Variants in TRIM35 observed in about 807,000 individuals in gnomAD.
TRIM35 encodes the protein E3 ubiquitin-protein ligase TRIM35.
Under a neutral mutation model 49.1 loss-of-function variants are expected in TRIM35, and 37 were observed. The observed-to-expected ratio is 0.75, with a 90% CI of 0.58 to 0.99. The LOEUF (loss-of-function observed/expected upper bound fraction) is 0.99. Ranked by LOEUF, TRIM35 falls within the 50% of genes least tolerant of loss-of-function variation. The pLI, the probability that TRIM35 is intolerant of heterozygous loss-of-function variation, is 0.00. For missense variants in TRIM35, 648 were observed against 702.7 expected, an observed-to-expected ratio of 0.92 and a Z score of 0.88; for synonymous variants, 302 against 289.3, an observed-to-expected ratio of 1.04 and a Z score of -0.45.
At chr8:27,298,232 T>C (rs1802609235) in intron 2 of TRIM35, among the ~76,000 whole-genome samples, 1 of 152,192 alleles carries the variant, frequency 6.6e-6, no homozygotes, top group African/African-American at 2.4e-5. Context: ...GGTAGCTTTT[T>C]AAGTCACTCC....
chr8:27,291,734 T>C (rs1802458837), intron 3 of TRIM35, among the ~76,000 whole-genome samples: 1 of 152,244 alleles, frequency 6.6e-6, no homozygotes, highest in African/African-American at 2.4e-5. Flanking sequence ...ATTTCACTCG[T>C]GGTTCTGAAG....
chr8:27,303,180 A>T (rs1802713890), intron 1 of TRIM35, among the ~76,000 whole-genome samples: 1 of 152,228 alleles, frequency 6.6e-6, no homozygotes, highest in Admixed American at 6.5e-5. Context: ...TGAGATAATT[A>T]TATTAAGCAA....
chr8:27,307,476 T>G (rs1802811108), intron 1 of TRIM35, among the ~76,000 whole-genome samples: 1 of 152,184 alleles, frequency 6.6e-6, no homozygotes, highest in African/African-American at 2.4e-5. Flanking sequence ...CATCCTGTAC[T>G]GTCCTTCACA....
In TRIM35 at chr8:27,286,338, G is replaced by T. The variant is rs1802318599; in HGVS notation, c.*1212C>A. 6 of 364,956 alleles carry T rather than the reference G, an allele frequency of 1.6e-5. No individual in the cohort carries two copies. The highest frequency in any genetic ancestry group is 1.3e-4 in the South Asian group (6 of 47,948). The allele number at this position is 364,956 out of a possible 1,614,324, so 22.6% of individuals were successfully genotyped here. A position where few individuals can be genotyped will look rare whatever the true frequency, so the allele number is the denominator to read the frequency against. ...TGAAGTCAGCAGAGACAAGAGGGCA[G>T]CGAGGCCCAGCCTCCTCTTCCCTCT... On this transcript the variant is annotated 3_prime_UTR_variant, in exon 6 of 6. Transcript: ENST00000305364.
chr8:27,289,181 C>A lies in TRIM35; in HGVS notation c.885G>T (p.Met295Ile), dbSNP rs916279781. The stretch of plus-strand genomic sequence containing the variant: ...GCTCACCAGATTCCACAGATGCAAG[C>A]ATCTTCTTCCAGACGCGGTACTGCA... The part of the protein sequence containing the change: ...GSLQYRVWKK[M>I]LASVESVPFS... The change falls in exon 5 of 6, where the codon ATG becomes ATT. Residue 295 changes from methionine (M) to isoleucine (I), a missense_variant. Transcript: ENST00000305364. 2 of 1,614,036 alleles carry A rather than the reference C, an allele frequency of 1.2e-6. No homozygotes were observed. Among genetic ancestry groups the A allele is most frequent in the Non-Finnish European group, 1.7e-6 (2 of 1,179,894 alleles).
intron 2 of TRIM35, among the ~76,000 whole-genome samples, chr8:27,297,673 G>A (rs1018232332): frequency 6.6e-6 from 1 of 152,222 alleles, no homozygotes; most frequent in African/African-American, 2.4e-5. Context: ...AGGAAATTAT[G>A]CCATCGAGTA....
intron 1 of TRIM35, among the ~76,000 whole-genome samples, chr8:27,309,389 G>A (rs1012106193): frequency 6.6e-6 from 1 of 152,178 alleles, no homozygotes; most frequent in African/African-American, 2.4e-5. Context: ...AAGATGACAG[G>A]AGTAACAGGG....
chr8:27,298,341 T>G (rs1586049835), intron 2 of TRIM35, 123 bp downstream of exon 2: 1 of 839,606 alleles, frequency 1.2e-6, no homozygotes, highest in Non-Finnish European at 1.9e-6. Flanking sequence ...CCATCAGAGG[T>G]AAGGCAGCCG....
chr8:27,310,279 G>C (rs1439287356), intron 1 of TRIM35, among the ~76,000 whole-genome samples: 2 of 152,334 alleles, frequency 1.3e-5, no homozygotes, highest in Non-Finnish European at 2.9e-5. Flanking sequence ...TTATAAACCA[G>C]AATAGGCCAG....
chr8:27,309,827 TAA>T (rs34068211), intron 1 of TRIM35, among the ~76,000 whole-genome samples: 5 of 140,180 alleles, frequency 3.6e-5, no homozygotes, highest in African/African-American at 5.3e-5. Context: ...TACTAGAAAT[TAA>T]AAAAAAAAAA....
Position 27,310,807 on chromosome 8 carries a change from G to A in TRIM35, c.429C>T (p.Asp143=), listed in dbSNP as rs1318698543. 4 of 1,592,582 alleles carry A rather than the reference G, an allele frequency of 2.5e-6. No homozygotes were observed. The highest frequency in any genetic ancestry group is 3.4e-6 in the Non-Finnish European group (4 of 1,165,680). The change falls in exon 1 of 6, where the codon GAC becomes GAT. Residue 143 remains aspartate (D), a synonymous_variant. Transcript: ENST00000305364. ...TGCAAATCGCTGCTCTTACCCGAAA[G>A]TCGTGGGCAGTGTCCTTCACCGGCT... ...RVQPVKDTAH[D]FRAKCRNMEH...
intron 1 of TRIM35, among the ~76,000 whole-genome samples, chr8:27,299,052 C>G (rs954737003): frequency 2.0e-5 from 3 of 152,152 alleles, no homozygotes; most frequent in African/African-American, 7.2e-5. Context: ...GGTTCAGTTA[C>G]CTCCCATGAG....
intron 1 of TRIM35, among the ~76,000 whole-genome samples, chr8:27,309,081 C>T (rs903721873): frequency 6.6e-6 from 1 of 152,224 alleles, no homozygotes; most frequent in Admixed American, 6.5e-5. Flanking sequence ...CCTGCAGTAT[C>T]CCTGGGACCT....
chr8:27,294,336 G>T (rs931827650), intron 2 of TRIM35, 26 bp from the exon 3 acceptor site: 1 of 1,603,090 alleles, frequency 6.2e-7, no homozygotes, highest in Non-Finnish European at 8.5e-7. Flanking sequence ...GGAGGAGTCA[G>T]GGGTCAGATG....
chr8:27,311,241 G>T lies in TRIM35; in HGVS notation c.-6C>A, dbSNP rs200729724. ...ACGTCGGGACTCCGCTCCATGGCAC[G>T]AGCAGCCGGCTCGGGCGCCCGGAAC... On this transcript the variant is annotated 5_prime_UTR_variant, in exon 1 of 6. Coordinates refer to ENST00000305364, the MANE Select transcript of TRIM35 (RefSeq NM_171982.5). 3.3e-6 allele frequency: 5 copies of T among 1,515,336 alleles called. No homozygotes were observed. The highest frequency in any genetic ancestry group is 1.4e-5 in the African/African-American group (1 of 72,326). The allele number at this position is 1,515,336 out of a possible 1,614,324, so 93.9% of individuals were successfully genotyped here.
At chr8:27,306,428 C>T (rs1197105633) in intron 1 of TRIM35, among the ~76,000 whole-genome samples, 1 of 151,110 alleles carries the variant, frequency 6.6e-6, no homozygotes, top group Non-Finnish European at 1.5e-5. Context: ...CGGGTTTAAG[C>T]GATTCTCCTG....
chr8:27,292,132 C>T (rs574674627), intron 3 of TRIM35, among the ~76,000 whole-genome samples: 8 of 152,314 alleles, frequency 5.3e-5, no homozygotes, highest in Non-Finnish European at 8.8e-5. Flanking sequence ...CAACAAGGAA[C>T]CACATATATG....
intron 1 of TRIM35, among the ~76,000 whole-genome samples, chr8:27,298,778 T>C (rs1802625139): frequency 6.6e-6 from 1 of 152,136 alleles, no homozygotes; most frequent in Non-Finnish European, 1.5e-5. Context: ...CCCTCAGACA[T>C]CCTGTAGCCC....
intron 3 of TRIM35, 54 bp from the exon 4 acceptor site, chr8:27,290,232 T>C: frequency 6.3e-7 from 1 of 1,577,446 alleles, no homozygotes; most frequent in Non-Finnish European, 8.7e-7. Context: ...AGAGGAAATG[T>C]ATATGTTTCT....
Sources: allele counts gnomAD v4.1 joint callset (sites outside exome capture counted in the v4.1 genomes callset), GRCh38; gene constraint gnomAD v4.1.1; transcripts MANE v1.5; gene names NCBI Gene and HGNC (gene_info 2026-07-23, HGNC 2026-07-21).